DLGAP2: variants seen among roughly 807,000 people sequenced by gnomAD.
DLGAP2 encodes the protein DLG associated protein 2.
In DLGAP2, 26 loss-of-function variants were observed where a neutral mutation model predicts 100.3. The ratio of observed to expected loss-of-function variants is 0.26; its 90% CI spans 0.19 to 0.36. The LOEUF (loss-of-function observed/expected upper bound fraction) is 0.36, where lower values mean the gene tolerates loss of function less well. Ranked by LOEUF, DLGAP2 falls within the 10% of genes least tolerant of loss-of-function variation. The pLI is 1.00. For synonymous variants in DLGAP2, 886 were observed against 630.1 expected (o/e 1.41, Z -6.08); for missense variants, 1,858 against 1,453.2 (o/e 1.28, Z -4.53).
At chr8:1,207,100 A>C (rs554843102) in intron 2 of DLGAP2, among the ~76,000 whole-genome samples, 1 of 151,978 alleles carries the variant, frequency 6.6e-6, no homozygotes, top group East Asian at 1.9e-4. Flanking sequence ...TTCCTTTTTT[A>C]TTTCAATAGA....
At chr8:1,252,411 G>A (rs1446533946) in intron 2 of DLGAP2, among the ~76,000 whole-genome samples, 5 of 151,904 alleles carry the variant, frequency 3.3e-5, no homozygotes, top group Admixed American at 2.0e-4. Flanking sequence ...CCTGGGTGAC[G>A]GTGTCACAGT....
rs889684291 is a variant in DLGAP2, at chr8:1,703,615, A to G, written c.*2209A>G. 6 of 152,204 alleles carry G rather than the reference A, an allele frequency of 3.9e-5. No homozygotes were observed. The highest frequency in any genetic ancestry group is 2.0e-4 in the Admixed American group (3 of 15,282). The allele number at this position is 152,204 out of a possible 1,614,324, so 9.4% of individuals were successfully genotyped here. ...GCCCGCCACCTCCTCACATTGGTCT[A>G]TCTACTGGCAGCTGATACGTTTAAC... On this transcript the variant is annotated 3_prime_UTR_variant, in exon 15 of 15. Coordinates refer to ENST00000637795, the MANE Select transcript of DLGAP2 (RefSeq NM_001346810.2).
intron 2 of DLGAP2, among the ~76,000 whole-genome samples, chr8:999,364 G>A (rs1800876174): frequency 6.6e-6 from 1 of 150,792 alleles, no homozygotes; most frequent in Non-Finnish European, 1.5e-5. Context: ...TCTTTCCCTT[G>A]TTGAATTTAA....
chr8:1,441,739 A>C (rs1406123270), intron 3 of DLGAP2, among the ~76,000 whole-genome samples: 1 of 151,162 alleles, frequency 6.6e-6, no homozygotes, highest in Non-Finnish European at 1.5e-5. Context: ...TGGATGTGAA[A>C]TTTGCCCTCT....
chr8:1,521,074 TG>T (rs1800579793), intron 4 of DLGAP2, among the ~76,000 whole-genome samples: 1 of 152,244 alleles, frequency 6.6e-6, no homozygotes, highest in African/African-American at 2.4e-5. Context: ...GTCTTGTTGT[TG>T]TTTTAATTTG....
intron 6 of DLGAP2, among the ~76,000 whole-genome samples, chr8:1,599,717 G>A (rs575070033): frequency 4.6e-5 from 7 of 151,884 alleles, no homozygotes; most frequent in South Asian, 2.1e-4. Context: ...TTTGCTTTCC[G>A]TTTGCTTGGT....
Position 787,298 on chromosome 8 carries a change from C to T in DLGAP2, c.18+49473C>T, listed in dbSNP as rs532123736. On this transcript the variant is annotated intron_variant, in intron 1 of 14. Coordinates refer to ENST00000637795, the MANE Select transcript of DLGAP2 (RefSeq NM_001346810.2). Reference sequence around the variant, plus strand: ...CGTCTGTTCTCTCACATTTGCCTGTCGATGGTGATACTGACGTTCTGTGAT... The same window carrying T: ...CGTCTGTTCTCTCACATTTGCCTGTTGATGGTGATACTGACGTTCTGTGAT... Among the ~76,000 whole-genome samples the T allele has an allele frequency of 1.1e-4, 17 of 152,270 alleles. No homozygotes were observed. The South Asian group carries it at 3.5e-3, about 32-fold the overall frequency.
intron 3 of DLGAP2, among the ~76,000 whole-genome samples, chr8:1,405,383 C>A (rs1372850841): frequency 5.1e-5 from 1 of 19,674 alleles, no homozygotes; most frequent in African/African-American, 1.8e-4. Context: ...AGCGCCCCCT[C>A]CTCGTCCTCC....
At chr8:980,182 C>T (rs147103734) in intron 2 of DLGAP2, among the ~76,000 whole-genome samples, 54 of 152,282 alleles carry the variant, frequency 3.5e-4, no homozygotes, top group African/African-American at 1.3e-3. Flanking sequence ...TGGAGGGATT[C>T]AGGCCAGACT....
At chr8:1,651,713 CAG>C (rs1183369962) in intron 8 of DLGAP2, among the ~76,000 whole-genome samples, 2 of 152,196 alleles carry the variant, frequency 1.3e-5, no homozygotes, top group African/African-American at 2.4e-5. Context: ...TGTGAAATAA[CAG>C]GGGAAGATGT....
At chr8:1,232,424 C>T (rs1400414353) in intron 2 of DLGAP2, among the ~76,000 whole-genome samples, 1 of 152,184 alleles carries the variant, frequency 6.6e-6, no homozygotes. Flanking sequence ...TCTCCAGCAC[C>T]CTCATGGTAG....
chr8:1,473,510 C>A (rs537177794), intron 3 of DLGAP2, among the ~76,000 whole-genome samples: 1 of 152,292 alleles, frequency 6.6e-6, no homozygotes, highest in East Asian at 1.9e-4. Context: ...AAAGGCAGAA[C>A]TGAAGGGAAA....
intron 3 of DLGAP2, among the ~76,000 whole-genome samples, chr8:1,359,355 T>G (rs1400666717): frequency 6.6e-6 from 1 of 152,212 alleles, no homozygotes; most frequent in Non-Finnish European, 1.5e-5. Context: ...CGGCGCAGTT[T>G]AGGAGAAAGG....
At chr8:978,410 G>T (rs1167778404) in intron 2 of DLGAP2, among the ~76,000 whole-genome samples, 1 of 44,240 alleles carries the variant, frequency 2.3e-5, no homozygotes, top group African/African-American at 7.8e-5. Context: ...TGGTGACGTG[G>T]GGAGGGCGTC....
chr8:1,044,038 A>G (rs1802448633), intron 2 of DLGAP2, among the ~76,000 whole-genome samples: 1 of 152,064 alleles, frequency 6.6e-6, no homozygotes, highest in Non-Finnish European at 1.5e-5. Context: ...TTCTCACAGC[A>G]GTGACTGCCC....
intron 5 of DLGAP2, among the ~76,000 whole-genome samples, chr8:1,555,152 G>T (rs549380867): frequency 7.9e-5 from 12 of 152,232 alleles, no homozygotes; most frequent in African/African-American, 2.6e-4. Flanking sequence ...GGAATAGCAG[G>T]TCCGGGAGGA....
At chr8:1,344,156 T>TAA (rs1563095101) in intron 3 of DLGAP2, among the ~76,000 whole-genome samples, 1 of 151,196 alleles carries the variant, frequency 6.6e-6, no homozygotes, top group Admixed American at 6.6e-5. Flanking sequence ...GGCCCTGTCG[T>TAA]GGGTCTTTGT....
At chr8:1,361,629 G>A (rs562332202) in intron 3 of DLGAP2, among the ~76,000 whole-genome samples, 7 of 152,328 alleles carry the variant, frequency 4.6e-5, no homozygotes, top group African/African-American at 1.7e-4. Context: ...CGTTTAAACG[G>A]AGCATGGGAG....
At chr8:1,125,692 T>A (rs963099008) in intron 2 of DLGAP2, among the ~76,000 whole-genome samples, 4 of 152,242 alleles carry the variant, frequency 2.6e-5, no homozygotes, top group African/African-American at 9.7e-5. Flanking sequence ...TAATGAGCTT[T>A]GATTTATTTG....
Sources: allele counts gnomAD v4.1 joint callset (sites outside exome capture counted in the v4.1 genomes callset), GRCh38; gene constraint gnomAD v4.1.1; transcripts MANE v1.5; gene names NCBI Gene and HGNC (gene_info 2026-07-23, HGNC 2026-07-21).